The following TSPAN14 variants were observed in gnomAD, a reference collection of about 807,000 sequenced individuals.
TSPAN14 encodes the protein tetraspanin-14.
TSPAN14 carries 16 observed loss-of-function variants against 36.6 expected under a neutral mutation model. The ratio of observed to expected loss-of-function variants is 0.44; its 90% CI spans 0.30 to 0.66. The LOEUF is 0.66. TSPAN14 is among the 30% of genes least tolerant of loss of function. TSPAN14 has a pLI of 0.12. For synonymous variants in TSPAN14, 139 were observed against 143.8 expected, an observed-to-expected ratio of 0.97 and a Z score of 0.24; for missense variants, 231 against 355.1, an observed-to-expected ratio of 0.65 and a Z score of 2.81.
intron 1 of TSPAN14, among the ~76,000 whole-genome samples, chr10:80,464,519 G>A (rs1284860298): frequency 6.6e-6 from 1 of 152,172 alleles, no homozygotes; most frequent in Non-Finnish European, 1.5e-5. Context: ...AGGGCAGGGT[G>A]GGAAGCAGGG....
chr10:80,457,829 G>A (rs1845801150), intron 1 of TSPAN14, among the ~76,000 whole-genome samples: 1 of 152,210 alleles, frequency 6.6e-6, no homozygotes, highest in Admixed American at 6.5e-5. Context: ...AGGTCTCAGA[G>A]GCTTAAAGCA....
At chr10:80,504,908 T>G in intron 3 of TSPAN14, 130 bp downstream of exon 3, 1 of 1,001,390 alleles carries the variant, frequency 1.0e-6, no homozygotes, top group Middle Eastern at 2.1e-4. Flanking sequence ...TGTATAATTG[T>G]CAATCTTTAC....
chr10:80,464,782 G>T (rs886628589), intron 1 of TSPAN14, among the ~76,000 whole-genome samples: 4 of 152,316 alleles, frequency 2.6e-5, no homozygotes, highest in Admixed American at 2.0e-4. Flanking sequence ...AGCTGAGGAG[G>T]CGGGACCTGG....
chr10:80,502,930 G>A (rs973942568), intron 2 of TSPAN14, among the ~76,000 whole-genome samples: 1 of 152,062 alleles, frequency 6.6e-6, no homozygotes, highest in East Asian at 1.9e-4. Context: ...AGGAGGAGGA[G>A]GAAGAGCAGG....
intron 3 of TSPAN14, 68 bp downstream of exon 3, chr10:80,504,846 C>A (rs1840199403): frequency 1.3e-6 from 2 of 1,535,262 alleles, no homozygotes; most frequent in East Asian, 4.5e-5. Context: ...ACTTCATTTT[C>A]CCTCCTCCAA....
intron 2 of TSPAN14, among the ~76,000 whole-genome samples, chr10:80,489,835 G>A (rs1394765008): frequency 6.6e-6 from 1 of 152,242 alleles, no homozygotes; most frequent in Non-Finnish European, 1.5e-5. Context: ...CTGTGGAGGT[G>A]ACTTGTGGGC....
intron 1 of TSPAN14, among the ~76,000 whole-genome samples, chr10:80,481,824 G>A (rs1847294118): frequency 6.6e-6 from 1 of 151,704 alleles, no homozygotes; most frequent in African/African-American, 2.4e-5. Context: ...TCGCTCTGTC[G>A]CTCACTGCAA....
At chr10:80,469,128 G>T (rs1846399207) in intron 1 of TSPAN14, among the ~76,000 whole-genome samples, 1 of 151,534 alleles carries the variant, frequency 6.6e-6, no homozygotes, top group Non-Finnish European at 1.5e-5. Flanking sequence ...AGCCCTGCTG[G>T]TGAGGTTATC....
exon 9 of TSPAN14, chr10:80,518,103 C>T (rs369946528): frequency 9.2e-6 from 9 of 974,668 alleles, no homozygotes; most frequent in African/African-American, 8.1e-5. Context: ...TAAGCATCAG[C>T]GTGACGTGAC....
At position 80,509,152 on chromosome 10, in the gene TSPAN14, G is replaced by C; in HGVS notation, c.280-149G>C. The C allele has an allele frequency of 1.4e-6, 1 of 692,688 alleles. No individual in the cohort carries two copies. Among genetic ancestry groups the C allele is most frequent in the Non-Finnish European group, 2.4e-6 (1 of 413,812 alleles). The allele number at this position is 692,688 out of a possible 1,614,324, so 42.9% of individuals were successfully genotyped here. A position where few individuals can be genotyped will look rare whatever the true frequency, so the allele number is the denominator to read the frequency against. ...TGCAGAGTCACCCAGCTAACTCTAA[G>C]TGTGGGGTTCTGGGGCCCCGATGTG... On this transcript the variant is annotated intron_variant, in intron 4 of 8. Transcript: ENST00000429989. This position sits in a 1 kb window ranked among gnomAD's most constrained non-coding sequence, Gnocchi z 4.7.
At chr10:80,487,140 T>C (rs1309282417) in intron 1 of TSPAN14, among the ~76,000 whole-genome samples, 1 of 152,214 alleles carries the variant, frequency 6.6e-6, no homozygotes, top group Non-Finnish European at 1.5e-5. Context: ...ATGCTAGTTA[T>C]AGCTACCGTT....
chr10:80,460,082 A>G (rs532984022), intron 1 of TSPAN14, among the ~76,000 whole-genome samples: 5 of 152,340 alleles, frequency 3.3e-5, no homozygotes, highest in Admixed American at 2.0e-4. Context: ...GGTAGACTGT[A>G]TCAGGACTAT....
chr10:80,480,758 C>T (rs546379946), intron 1 of TSPAN14, among the ~76,000 whole-genome samples: 2 of 151,106 alleles, frequency 1.3e-5, no homozygotes, highest in African/African-American at 4.9e-5. Context: ...GGAAGGGGAA[C>T]GTCACACTCT....
chr10:80,455,611 C>T (rs980782097), intron 1 of TSPAN14, among the ~76,000 whole-genome samples: 5 of 152,110 alleles, frequency 3.3e-5, no homozygotes, highest in African/African-American at 1.2e-4. Context: ...TGAAGGGAAA[C>T]CTGGGGACAG....
At chr10:80,496,370 A>G (rs1848197660) in intron 2 of TSPAN14, among the ~76,000 whole-genome samples, 1 of 152,176 alleles carries the variant, frequency 6.6e-6, no homozygotes, top group Admixed American at 6.5e-5. Flanking sequence ...TAGTTCGCAT[A>G]TGCATACTCT....
intron 2 of TSPAN14, among the ~76,000 whole-genome samples, chr10:80,490,534 G>C (rs1321702903): frequency 6.6e-6 from 1 of 152,186 alleles, no homozygotes; most frequent in East Asian, 1.9e-4. Context: ...GTGCAGGGAG[G>C]TGAAGAAGGA....
intron 1 of TSPAN14, among the ~76,000 whole-genome samples, chr10:80,459,960 C>T (rs936432199): frequency 7.2e-5 from 11 of 152,130 alleles, no homozygotes; most frequent in African/African-American, 2.7e-4. Flanking sequence ...CAGCCACAGC[C>T]CCAGACCAAG....
At position 80,481,766 on chromosome 10, in the gene TSPAN14, C is replaced by T. The variant is rs115232365; in HGVS notation, c.-17-7451C>T. Among the ~76,000 whole-genome samples the T allele has an allele frequency of 5.9e-4, 90 of 152,328 alleles. 1 individual carries two copies. The highest frequency in any genetic ancestry group is 2.0e-3 in the African/African-American group (82 of 41,576). ...TCTGCCTCCCAATTAACTGGGATTA[C>T]AGGCATGGGCCACTGCGCCTGGCTA... is the stretch of plus-strand genomic sequence containing the variant. On this transcript the variant is annotated intron_variant, in intron 1 of 8. Coordinates refer to ENST00000429989, the Ensembl canonical transcript of TSPAN14.
intron 1 of TSPAN14, among the ~76,000 whole-genome samples, chr10:80,456,176 G>A (rs1386368093): frequency 1.3e-5 from 2 of 152,202 alleles, no homozygotes; most frequent in Non-Finnish European, 2.9e-5. Flanking sequence ...ACCCAGGCTG[G>A]ACATGGCATA....
Sources: allele counts gnomAD v4.1 joint callset (sites outside exome capture counted in the v4.1 genomes callset), GRCh38; gene constraint gnomAD v4.1.1; non-coding constraint Gnocchi (gnomAD v3.1); transcripts MANE v1.5; gene names NCBI Gene and HGNC (gene_info 2026-07-23, HGNC 2026-07-21).